OPCML: variants seen among roughly 807,000 people sequenced by gnomAD.
OPCML encodes the protein opioid binding protein/cell adhesion molecule like, also known as opioid-binding protein/cell adhesion molecule.
OPCML carries 13 observed loss-of-function variants against 37.8 expected under a neutral mutation model. That is an observed-to-expected ratio of 0.34 (90% CI 0.22 to 0.55). The LOEUF is 0.55. Among genes scored for constraint, OPCML ranks in the 20% least tolerant of loss-of-function variants. OPCML has a pLI of 0.91. For missense variants in OPCML, 341 were observed against 435.6 expected (o/e 0.78, Z 1.93); for synonymous variants, 176 against 168.8 (o/e 1.04, Z -0.33).
At chr11:133,069,603 A>T (rs1948492941) in intron 1 of OPCML, among the ~76,000 whole-genome samples, 1 of 152,156 alleles carries the variant, frequency 6.6e-6, no homozygotes, top group African/African-American at 2.4e-5. Context: ...TGGGGCTTGA[A>T]GCTACATGTG....
At chr11:133,392,041 CAT>C (rs1197581787) in intron 1 of OPCML, among the ~76,000 whole-genome samples, 1 of 152,046 alleles carries the variant, frequency 6.6e-6, no homozygotes, top group Non-Finnish European at 1.5e-5. Context: ...TTTCAAATTA[CAT>C]ATAATTGTAA....
At chr11:133,008,934 G>A (rs1308644185) in intron 1 of OPCML, 1 of 985,304 alleles carries the variant, frequency 1.0e-6, no homozygotes. Context: ...AGGAGTCACA[G>A]CAAGAAGACT....
intron 1 of OPCML, chr11:133,003,979 A>T (rs1947059213): frequency 1.0e-6 from 1 of 985,250 alleles, no homozygotes; most frequent in African/African-American, 1.7e-5. Flanking sequence ...ATCCCTCGAG[A>T]AGTCCCTGCA....
intron 2 of OPCML, among the ~76,000 whole-genome samples, chr11:132,818,144 T>C (rs1301569882): frequency 2.6e-5 from 4 of 152,100 alleles, no homozygotes; most frequent in Non-Finnish European, 4.4e-5. Flanking sequence ...GGTCCAACCA[T>C]TCACAGATGA....
At chr11:132,759,058 T>C (rs58408382) in intron 2 of OPCML, among the ~76,000 whole-genome samples, 3,094 of 152,310 alleles carry the variant, frequency 0.02, 85 homozygotes, top group African/African-American at 0.068. Context: ...ATTGAAATAA[T>C]CATGTGGTTT....
chr11:132,797,240 C>T (rs1487180134), intron 2 of OPCML, among the ~76,000 whole-genome samples: 1 of 152,210 alleles, frequency 6.6e-6, no homozygotes, highest in East Asian at 1.9e-4. Context: ...AATTTCAGCT[C>T]ATACATGCAG....
chr11:133,455,080 C>G (rs149313480), intron 1 of OPCML, among the ~76,000 whole-genome samples: 120 of 152,236 alleles, frequency 7.9e-4, no homozygotes, highest in African/African-American at 2.5e-3. Flanking sequence ...AAACCCAAAG[C>G]TCATTAATCG....
intron 1 of OPCML, among the ~76,000 whole-genome samples, chr11:133,070,813 T>TG (rs895915217): frequency 3.9e-5 from 6 of 152,122 alleles, no homozygotes; most frequent in African/African-American, 1.4e-4. Flanking sequence ...GAGCAGGGGC[T>TG]GGGGGTCAAG....
intron 2 of OPCML, among the ~76,000 whole-genome samples, chr11:132,690,991 A>C (rs1943380025): frequency 6.6e-6 from 1 of 152,188 alleles, no homozygotes. Flanking sequence ...TCATCAGACC[A>C]CTAATAAGAC....
At chr11:132,542,333 C>A in intron 3 of OPCML, among the ~76,000 whole-genome samples, 1 of 152,184 alleles carries the variant, frequency 6.6e-6, no homozygotes, top group East Asian at 1.9e-4. Flanking sequence ...CACTGTCCAG[C>A]AGATCTTTCT....
chr11:133,092,171 C>T (rs1005833394), intron 1 of OPCML, among the ~76,000 whole-genome samples: 4 of 152,172 alleles, frequency 2.6e-5, no homozygotes, highest in African/African-American at 7.2e-5. Context: ...CGGGGCACTA[C>T]ATTGGAAGCA....
intron 2 of OPCML, among the ~76,000 whole-genome samples, chr11:132,667,954 T>C (rs1180600351): frequency 6.6e-6 from 1 of 152,160 alleles, no homozygotes; most frequent in Non-Finnish European, 1.5e-5. Flanking sequence ...GATGGGTTTA[T>C]CCCGTGTTGG....
chr11:133,104,518 C>A (rs1362296047), intron 1 of OPCML, among the ~76,000 whole-genome samples: 1 of 152,228 alleles, frequency 6.6e-6, no homozygotes, highest in East Asian at 1.9e-4. Flanking sequence ...GGTGTTTTGG[C>A]ATTCTGCCTG....
At chr11:133,038,316 G>A (rs35225233) in intron 1 of OPCML, among the ~76,000 whole-genome samples, 20,493 of 152,202 alleles carry the variant, frequency 0.13, 1,752 homozygotes, top group Middle Eastern at 0.21. Flanking sequence ...TCATCTCCTA[G>A]CTTTTCCTCA....
chr11:133,407,316 A>C (rs996113568), intron 1 of OPCML, among the ~76,000 whole-genome samples: 1 of 152,200 alleles, frequency 6.6e-6, no homozygotes, highest in Non-Finnish European at 1.5e-5. Context: ...AGAGTCTTCA[A>C]TCTTTAGATA....
chr11:133,132,270 A>G (rs1260248026), intron 1 of OPCML, among the ~76,000 whole-genome samples: 1 of 152,214 alleles, frequency 6.6e-6, no homozygotes, highest in East Asian at 1.9e-4. Flanking sequence ...TAATAAGCCC[A>G]TGAACAGATG....
intron 4 of OPCML, among the ~76,000 whole-genome samples, chr11:132,476,791 G>A (rs1386040624): frequency 6.6e-6 from 1 of 151,088 alleles, no homozygotes. Context: ...GTATACATAT[G>A]TAACAAACCT....
chr11:132,460,387 A>G lies in OPCML; in HGVS notation c.506-23028T>C, dbSNP rs544431541. On this transcript the variant is annotated intron_variant, in intron 4 of 7. Coordinates refer to ENST00000524381, the MANE Select transcript of OPCML (RefSeq NM_001012393.5). ...TAACAATGTCTTAGTATTACCTTGA[A>G]AACAGCTTTGACCTCACAGCAATAA... Among the ~76,000 whole-genome samples the G allele has an allele frequency of 2.0e-4, 30 of 152,276 alleles. No individual in the cohort carries two copies. The South Asian group carries it at 5.8e-3, about 29-fold the overall frequency.
intron 1 of OPCML, among the ~76,000 whole-genome samples, chr11:133,477,884 G>A (rs1268054897): frequency 1.3e-5 from 2 of 152,162 alleles, no homozygotes; most frequent in East Asian, 1.9e-4. Flanking sequence ...AACCAAAGAC[G>A]AGATTTTATC....
Sources: allele counts gnomAD v4.1 joint callset (sites outside exome capture counted in the v4.1 genomes callset), GRCh38; gene constraint gnomAD v4.1.1; transcripts MANE v1.5; gene names NCBI Gene and HGNC (gene_info 2026-07-23, HGNC 2026-07-21).